Variants in AK5 observed in about 807,000 individuals in gnomAD.
The protein encoded by AK5 is adenylate kinase 5, also known as adenylate kinase isoenzyme 5.
A neutral mutation model predicts 69.5 loss-of-function variants in AK5; 27 were observed. That is an observed-to-expected ratio of 0.39 (90% CI 0.29 to 0.54). The LOEUF is 0.54. Among genes scored for constraint, AK5 ranks in the 20% least tolerant of loss-of-function variants. AK5 has a pLI of 0.71. For synonymous variants in AK5, 260 were observed against 244.4 expected, an observed-to-expected ratio of 1.06 and a Z score of -0.60; for missense variants, 531 against 700.4, an observed-to-expected ratio of 0.76 and a Z score of 2.73.
chr1:77,332,666 A>G (rs1326831174), intron 5 of AK5, among the ~76,000 whole-genome samples: 1 of 151,490 alleles, frequency 6.6e-6, no homozygotes, highest in African/African-American at 2.4e-5. Context: ...TTTCTACTAC[A>G]GCCATTGATG....
intron 12 of AK5, among the ~76,000 whole-genome samples, chr1:77,527,259 T>C (rs543918112): frequency 2.0e-5 from 3 of 152,216 alleles, no homozygotes; most frequent in Non-Finnish European, 4.4e-5. Context: ...CCTCTAAAAT[T>C]CCTGCTCCAT....
At chr1:77,440,638 G>A (rs1652265435) in intron 8 of AK5, among the ~76,000 whole-genome samples, 1 of 151,832 alleles carries the variant, frequency 6.6e-6, no homozygotes, top group African/African-American at 2.4e-5. Context: ...TCACTTAATG[G>A]TGTCCCATAA....
chr1:77,473,270 T>C (rs927946984), intron 8 of AK5, among the ~76,000 whole-genome samples: 2 of 151,304 alleles, frequency 1.3e-5, no homozygotes, highest in East Asian at 3.9e-4. Context: ...CAGGCTGGAG[T>C]GCAGTGGTAC....
At chr1:77,531,756 T>A (rs1422375293) in intron 12 of AK5, among the ~76,000 whole-genome samples, 1 of 148,406 alleles carries the variant, frequency 6.7e-6, no homozygotes, top group Non-Finnish European at 1.5e-5. Flanking sequence ...TCCCGCGCCC[T>A]GCGCCCGCAC....
At chr1:77,500,046 A>G (rs1557638330) in intron 10 of AK5, among the ~76,000 whole-genome samples, 2 of 152,014 alleles carry the variant, frequency 1.3e-5, no homozygotes, top group African/African-American at 2.4e-5. Flanking sequence ...TGACTAATAC[A>G]GACCCATTAT....
chr1:77,558,660 C>CTATTA lies in AK5; in HGVS notation c.1683_1684insATATT (p.Phe562IlefsTer24). On this transcript the variant is annotated frameshift_variant, in exon 14 of 14. Transcript: ENST00000354567. LOFTEE classifies it high-confidence loss of function. Reference sequence around the variant, plus strand: ...CTTCAACTCTGCACAGCTATTGACTCTATTTTCTGAAGGCAAAAATGCATG... The same window carrying CTATTA: ...CTTCAACTCTGCACAGCTATTGACTCTATTATATTTTCTGAAGGCAAAAATGCATG... The CTATTA allele has an allele frequency of 6.3e-7, 1 of 1,592,460 alleles. No homozygotes were observed.
intron 8 of AK5, among the ~76,000 whole-genome samples, chr1:77,472,572 C>A (rs1313723164): frequency 6.6e-6 from 1 of 151,854 alleles, no homozygotes; most frequent in Non-Finnish European, 1.5e-5. Flanking sequence ...GTGGGCTCTA[C>A]CTGCAAGAAA....
chr1:77,282,643 G>T, intron 1 of AK5: 1 of 1,216,140 alleles, frequency 8.2e-7, no homozygotes, highest in Non-Finnish European at 1.0e-6. Context: ...CTCCCATCGC[G>T]CCCCTCGGAT....
At chr1:77,318,027 A>C (rs1660329185) in intron 5 of AK5, among the ~76,000 whole-genome samples, 1 of 152,242 alleles carries the variant, frequency 6.6e-6, no homozygotes, top group Non-Finnish European at 1.5e-5. Flanking sequence ...TGTTGCGAAT[A>C]ATAGTGAAGC....
chr1:77,537,385 G>A (rs903978873), intron 13 of AK5, among the ~76,000 whole-genome samples: 1 of 152,152 alleles, frequency 6.6e-6, no homozygotes. Flanking sequence ...ATATGTAGGA[G>A]CAAATAATTG....
chr1:77,510,625 C>T (rs1257974526), intron 10 of AK5, among the ~76,000 whole-genome samples: 2 of 151,956 alleles, frequency 1.3e-5, no homozygotes, highest in Non-Finnish European at 2.9e-5. Flanking sequence ...TGATGTTATA[C>T]AGAAGAAAAG....
At position 77,391,412 on chromosome 1, in the gene AK5, C is replaced by T. The variant is rs1379460227; in HGVS notation, c.892-19569C>T. 4.6e-5 allele frequency among the ~76,000 whole-genome samples: 6 copies of T among 131,138 alleles called. No individual in the cohort carries two copies. The East Asian group carries it at 6.3e-4, about 14-fold the overall frequency. 86.0% of individuals were successfully genotyped at this position (131,138 alleles called of 152,430 possible). ...AAAAATATATATATATATACACACA[C>T]ATATATATGTATATATATACATATA... On this transcript the variant is annotated intron_variant, in intron 6 of 13. Coordinates refer to ENST00000354567, the MANE Select transcript of AK5 (RefSeq NM_174858.3).
intron 6 of AK5, among the ~76,000 whole-genome samples, chr1:77,393,381 T>G (rs771015507): frequency 3.3e-5 from 5 of 152,188 alleles, no homozygotes; most frequent in Non-Finnish European, 5.9e-5. Flanking sequence ...AAAGCGATTA[T>G]GGAAATGTGA....
chr1:77,367,099 C>G (rs1425342737), intron 6 of AK5, among the ~76,000 whole-genome samples: 3 of 151,960 alleles, frequency 2.0e-5, no homozygotes, highest in African/African-American at 7.3e-5. Flanking sequence ...TTTATTTCTT[C>G]CAATTGAATC....
At chr1:77,282,798 G>A in intron 1 of AK5, 1 of 994,796 alleles carries the variant, frequency 1.0e-6, no homozygotes, top group Non-Finnish European at 1.2e-6. Flanking sequence ...TGCTGGTCGA[G>A]GGTCGGAACC....
chr1:77,462,303 AGATGGATGGATG>A (rs56413918), intron 8 of AK5, among the ~76,000 whole-genome samples: 28 of 150,048 alleles, frequency 1.9e-4, no homozygotes, highest in African/African-American at 4.7e-4. Flanking sequence ...TTTGTTGGAT[AGATGGATGGATG>A]GATGGATGGA....
intron 10 of AK5, among the ~76,000 whole-genome samples, chr1:77,503,654 C>T (rs1055845363): frequency 7.9e-5 from 12 of 152,116 alleles, no homozygotes; most frequent in African/African-American, 2.9e-4. Context: ...ATAATCCCAG[C>T]ACTTTGGGAG....
At chr1:77,485,552 G>T (rs953324128) in intron 9 of AK5, among the ~76,000 whole-genome samples, 6 of 152,086 alleles carry the variant, frequency 3.9e-5, no homozygotes, top group African/African-American at 1.4e-4. Flanking sequence ...TACCTTAAAT[G>T]TAAAATAACA....
chr1:77,303,605 C>G (rs1659462017), intron 5 of AK5, among the ~76,000 whole-genome samples: 1 of 152,182 alleles, frequency 6.6e-6, no homozygotes, highest in East Asian at 1.9e-4. Context: ...CTCCACTGTA[C>G]CTTTGTGAGA....
Sources: gnomAD v4.1 joint callset for allele counts (sites outside exome capture counted in the v4.1 genomes callset) on GRCh38, gnomAD v4.1.1 for gene constraint, MANE v1.5 for transcripts, NCBI Gene and HGNC (gene_info 2026-07-23, HGNC 2026-07-21) for gene names.